Variants in CAVIN4 observed in about 807,000 individuals in gnomAD.
CAVIN4 encodes the protein caveolae associated protein 4.
In CAVIN4, 10 loss-of-function variants were observed where a neutral mutation model predicts 18.6. That is an observed-to-expected ratio of 0.54 (90% confidence interval 0.33 to 0.91). The LOEUF (loss-of-function observed/expected upper bound fraction) is 0.91, where lower values mean the gene tolerates loss of function less well. CAVIN4 is among the 40% of genes least tolerant of loss of function. The pLI, the probability that CAVIN4 is intolerant of heterozygous loss-of-function variation, is 0.02. For missense variants in CAVIN4, 459 were observed against 440.5 expected (o/e 1.04, Z -0.38); for synonymous variants, 173 against 164.8 (o/e 1.05, Z -0.38).
At chr9:100,584,845 G>A (rs777754290) in intron 1 of CAVIN4, among the ~76,000 whole-genome samples, 4 of 152,150 alleles carry the variant, frequency 2.6e-5, no homozygotes, top group Non-Finnish European at 5.9e-5. Flanking sequence ...GTGAGACCCC[G>A]TCTTTATGAA....
intron 1 of CAVIN4, among the ~76,000 whole-genome samples, chr9:100,585,004 GAAGA>G (rs1490953310): frequency 6.6e-5 from 10 of 152,212 alleles, no homozygotes; most frequent in Admixed American, 3.3e-4. Context: ...TAATCATACT[GAAGA>G]ATTTGAGCTC....
intron 1 of CAVIN4, among the ~76,000 whole-genome samples, chr9:100,580,430 T>G (rs1839415753): frequency 6.6e-6 from 1 of 152,278 alleles, no homozygotes; most frequent in Non-Finnish European, 1.5e-5. Flanking sequence ...TGTGGGTATA[T>G]CTTACCCTCC....
chr9:100,585,816 A>G lies in CAVIN4; in HGVS notation c.460A>G (p.Thr154Ala). ...GTCTGTTGTTAAAGACAGAAACCTA[A>G]CTGAGAACCAAGAAGAGGATGATGA... Reference protein sequence around the residue: ...SLSVVKDRNLTENQEEDDDDI... With the variant: ...SLSVVKDRNLAENQEEDDDDI... The change falls in exon 2 of 2, where the codon ACT (threonine) becomes GCT (alanine). Residue 154 changes from threonine (T) to alanine (A), a missense_variant. Transcript: ENST00000307584. 6.2e-7 allele frequency: 1 copy of G among 1,614,086 alleles called. No individual in the cohort carries two copies.
Position 100,578,226 on chromosome 9 carries a change from A to G in CAVIN4, c.83A>G (p.Asp28Gly), listed in dbSNP as rs778889709. ...LSSVTEDEDQ[D>G]AALTIVTVLD... is the part of the protein sequence containing the mutation. Reference sequence around the variant, plus strand: ...AGTGTTACAGAAGATGAAGACCAAGACGCTGCTCTTACCATTGTGACTGTG... The same window carrying G: ...AGTGTTACAGAAGATGAAGACCAAGGCGCTGCTCTTACCATTGTGACTGTG... Residue 28 changes from aspartate to glycine, a missense_variant, in exon 1 of 2, where the codon GAC (aspartate) becomes GGC (glycine). By Grantham distance (94) the Asp-to-Gly change is moderately conservative. Transcript: ENST00000307584. The G allele has an allele frequency of 9.9e-6, 16 of 1,613,894 alleles. No individual in the cohort carries two copies. Among genetic ancestry groups the G allele is most frequent in the Non-Finnish European group, 1.3e-5 (15 of 1,179,926 alleles).
Position 100,588,188 on chromosome 9 carries a change from T to C in CAVIN4, c.*1737T>C, listed in dbSNP as rs1158604242. ...TTTGGGAGTCTGATTCAGCATCATTTCCTCTTCACCTTGCATGAATACATG... is the reference window on the plus strand; with the variant it reads ...TTTGGGAGTCTGATTCAGCATCATTCCCTCTTCACCTTGCATGAATACATG... On this transcript the variant is annotated 3_prime_UTR_variant, in exon 2 of 2. Coordinates refer to ENST00000307584, the MANE Select transcript of CAVIN4 (RefSeq NM_001018116.2). 7.2e-5 allele frequency among the ~76,000 whole-genome samples: 11 copies of C among 152,258 alleles called. No homozygotes were observed.
chr9:100,580,046 C>T (rs1299088875), intron 1 of CAVIN4, among the ~76,000 whole-genome samples: 1 of 151,468 alleles, frequency 6.6e-6, no homozygotes, highest in Non-Finnish European at 1.5e-5. Flanking sequence ...TTTCCCTTTC[C>T]TTTCATGTCC....
At chr9:100,581,950 C>G (rs2118606330) in intron 1 of CAVIN4, among the ~76,000 whole-genome samples, 1 of 152,288 alleles carries the variant, frequency 6.6e-6, no homozygotes, top group Non-Finnish European at 1.5e-5. Context: ...CTCCTAGACT[C>G]TCTAATCCTA....
At position 100,578,410 on chromosome 9, in the gene CAVIN4, G is replaced by A; in HGVS notation, c.267G>A (p.Leu89=). 1 of 1,614,120 alleles carries A rather than the reference G, an allele frequency of 6.2e-7. No homozygotes were observed. Among genetic ancestry groups the A allele is most frequent in the South Asian group, 1.1e-5 (1 of 91,084 alleles). Residue 89 remains leucine (L), a synonymous_variant, in exon 1 of 2, where the codon TTG becomes TTA. Coordinates refer to ENST00000307584, the MANE Select transcript of CAVIN4 (RefSeq NM_001018116.2). ...ATACAGGGCATATCATTAACAAATT[G>A]TTTGAGAAAACCCGAAAAGTTAGTG... ...HSNTGHIINK[L]FEKTRKVSAH... is the part of the protein sequence containing the mutation.
At position 100,586,652 on chromosome 9, in the gene CAVIN4, C is replaced by T. The variant is rs1839484106; in HGVS notation, c.*201C>T. 2.3e-6 allele frequency: 1 copy of T among 425,930 alleles called. No homozygotes were observed. The highest frequency in any genetic ancestry group is 2.0e-5 in the African/African-American group (1 of 48,958). The allele number at this position is 425,930 out of a possible 1,614,324, so 26.4% of individuals were successfully genotyped here. A position where few individuals can be genotyped will look rare whatever the true frequency, so the allele number is the denominator to read the frequency against. ...GGATTTTTTAGTTCCTTTCTCTTGT[C>T]CACCAGAAAAATAGTTTCCTAGGTT... On this transcript the variant is annotated 3_prime_UTR_variant, in exon 2 of 2. Transcript: ENST00000307584.
intron 1 of CAVIN4, among the ~76,000 whole-genome samples, chr9:100,582,106 T>C (rs1395403973): frequency 6.6e-6 from 1 of 152,224 alleles, no homozygotes; most frequent in Non-Finnish European, 1.5e-5. Flanking sequence ...AGATTTAATC[T>C]GGATCTCACG....
rs28623148 is a variant in CAVIN4 at position 100,585,926 on chromosome 9, A to T, written c.570A>T (p.Ser190=). 0.039 allele frequency: 62,940 copies of T among 1,614,118 alleles called. 3,269 individuals carry two copies. Among genetic ancestry groups the T allele is most frequent in the East Asian group, 0.2 (8,866 of 44,862 alleles). Residue 190 remains serine (S), a synonymous_variant, in exon 2 of 2, where the codon TCA becomes TCT. Transcript: ENST00000307584. ...EESRSARLRK[S]GKEHIDNIKK... Reference sequence around the variant, plus strand: ...GCAGATCTGCCAGGCTTAGGAAGTCAGGCAAGGAGCACATTGATAATATCA... The same window carrying T: ...GCAGATCTGCCAGGCTTAGGAAGTCTGGCAAGGAGCACATTGATAATATCA...
At chr9:100,583,865 G>A (rs1045312240) in intron 1 of CAVIN4, among the ~76,000 whole-genome samples, 11 of 152,106 alleles carry the variant, frequency 7.2e-5, no homozygotes, top group Admixed American at 3.3e-4. Flanking sequence ...GGCTGGTCTC[G>A]AACTCCTGAC....
Position 100,586,109 on chromosome 9 carries a change from A to G in CAVIN4, c.753A>G (p.Ser251=). The G allele has an allele frequency of 2.5e-6, 4 of 1,601,994 alleles. No individual in the cohort carries two copies. In the South Asian group the frequency reaches 3.4e-5, roughly 13 times the overall value. The change falls in exon 2 of 2, where the codon TCA becomes TCG. Residue 251 remains serine, a synonymous_variant. Transcript: ENST00000307584. ...LRQSGERLRQ[S]GERFKKSISN... The stretch of plus-strand genomic sequence containing the variant: ...AGTCAGGGGAGAGGCTGAGACAGTC[A>G]GGGGAGAGGTTTAAGAAATCTATTT...
intron 1 of CAVIN4, among the ~76,000 whole-genome samples, chr9:100,580,542 C>T (rs1301827084): frequency 6.6e-6 from 1 of 152,224 alleles, no homozygotes; most frequent in Non-Finnish European, 1.5e-5. Context: ...TTTACAAAAG[C>T]AAGAGCAAAG....
intron 1 of CAVIN4, among the ~76,000 whole-genome samples, chr9:100,579,329 C>T (rs1030396959): frequency 3.9e-5 from 6 of 152,076 alleles, no homozygotes; most frequent in Admixed American, 6.5e-5. Context: ...ATTTTCAAAA[C>T]TCTTACAGTT....
chr9:100,580,612 A>G (rs919353952), intron 1 of CAVIN4, among the ~76,000 whole-genome samples: 7 of 152,226 alleles, frequency 4.6e-5, no homozygotes, highest in African/African-American at 1.7e-4. Flanking sequence ...TTAAACTTTA[A>G]GATGTTTCTG....
intron 1 of CAVIN4, among the ~76,000 whole-genome samples, chr9:100,584,907 A>G (rs1264691474): frequency 6.6e-6 from 1 of 152,212 alleles, no homozygotes; most frequent in East Asian, 1.9e-4. Context: ...GGATGAAAAC[A>G]TCTTGTGCTT....
In CAVIN4 at chr9:100,586,734, C is replaced by T. The variant is rs1839485217; in HGVS notation, c.*283C>T. On this transcript the variant is annotated 3_prime_UTR_variant, in exon 2 of 2. Transcript: ENST00000307584. The stretch of plus-strand genomic sequence containing the variant: ...TGCGGCCGTCATTTGCAGGAGAACT[C>T]TAAATATTGGTTAGGATTAATATTG... 2.6e-5 allele frequency: 7 copies of T among 268,376 alleles called. No homozygotes were observed. In the South Asian group the frequency reaches 4.0e-4, roughly 15 times the overall value. The allele number at this position is 268,376 out of a possible 1,614,324, so 16.6% of individuals were successfully genotyped here. A position where few individuals can be genotyped will look rare whatever the true frequency, so the allele number is the denominator to read the frequency against.
Position 100,586,417 on chromosome 9 carries a change from A to C in CAVIN4, c.1061A>C (p.Glu354Ala). ...FKSQVKVEDDESLLLDLKHSS is the reference protein window; with the variant it reads ...FKSQVKVEDDASLLLDLKHSS ...TCTCAGGTGAAAGTAGAGGATGATG[A>C]ATCTCTTTTGTTAGATTTAAAGCAC... Residue 354 changes from glutamate (E) to alanine (A), a missense_variant, in exon 2 of 2, where the codon GAA (glutamate) becomes GCA (alanine). Coordinates refer to ENST00000307584, the MANE Select transcript of CAVIN4 (RefSeq NM_001018116.2). 6.2e-7 allele frequency: 1 copy of C among 1,613,982 alleles called. No individual in the cohort carries two copies. Among genetic ancestry groups the C allele is most frequent in the Admixed American group, 1.7e-5 (1 of 60,020 alleles).
Sources: allele counts gnomAD v4.1 joint callset (sites outside exome capture counted in the v4.1 genomes callset), GRCh38; gene constraint gnomAD v4.1.1; transcripts MANE v1.5; gene names NCBI Gene and HGNC (gene_info 2026-07-23, HGNC 2026-07-21).